TUBD1: variants seen among roughly 807,000 people sequenced by gnomAD.
TUBD1 encodes the protein tubulin delta chain.
A neutral mutation model predicts 51.2 loss-of-function variants in TUBD1; 38 were observed. The observed-to-expected ratio is 0.74, with a 90% CI of 0.57 to 0.97. The LOEUF (loss-of-function observed/expected upper bound fraction) is 0.97. Among genes scored for constraint, TUBD1 ranks in the 50% least tolerant of loss-of-function variants. The probability of loss-of-function intolerance (pLI) is 0.00; values close to 1 mark genes in which losing one functional copy is unlikely to be tolerated. For synonymous variants in TUBD1, 169 were observed against 178.2 expected (o/e 0.95, Z 0.41); for missense variants, 489 against 538.4 (o/e 0.91, Z 0.91).
intron 8 of TUBD1, among the ~76,000 whole-genome samples, chr17:59,862,394 A>G (rs893751151): frequency 5.3e-5 from 8 of 152,094 alleles, no homozygotes; most frequent in Admixed American, 2.0e-4. Context: ...TGACTTAAGT[A>G]ACTGTGGTAG....
In TUBD1 at chr17:59,874,417, G is replaced by A. The variant is rs551562131; in HGVS notation, c.934+122C>T. 45 of 876,552 alleles carry A rather than the reference G, an allele frequency of 5.1e-5. No individual in the cohort carries two copies. In the Admixed American group the frequency reaches 6.3e-4, roughly 12 times the overall value. 54.3% of individuals were successfully genotyped at this position (876,552 alleles called of 1,614,324 possible). A position where few individuals can be genotyped will look rare whatever the true frequency, so the allele number is the denominator to read the frequency against. ...TAAGATGTCCTGGTGAGTTTCTGCC[G>A]GAGTCTCTCTAGCCAGAAAAAGGGA... is the stretch of plus-strand genomic sequence containing the variant. On this transcript the variant is annotated intron_variant, in intron 6 of 8. Transcript: ENST00000325752.
chr17:59,879,267 TCAAAAAAA>T (rs778165399), intron 4 of TUBD1, among the ~76,000 whole-genome samples: 1 of 13,914 alleles, frequency 7.2e-5, no homozygotes. Flanking sequence ...AAACTCTGTC[TCAAAAAAA>T]AAAAAAAAAA....
intron 6 of TUBD1, among the ~76,000 whole-genome samples, chr17:59,871,297 T>A (rs2144483156): frequency 1.3e-5 from 2 of 152,196 alleles, no homozygotes; most frequent in South Asian, 4.2e-4. Context: ...CCTCCCAAGT[T>A]CAAGCAATTC....
In TUBD1 at chr17:59,860,426, T is replaced by C; in HGVS notation, c.1260-2A>G. The C allele has an allele frequency of 6.7e-7, 1 of 1,490,346 alleles. No individual in the cohort carries two copies. Among genetic ancestry groups the C allele is most frequent in the Non-Finnish European group, 9.1e-7 (1 of 1,094,122 alleles). 92.3% of individuals were successfully genotyped at this position (1,490,346 alleles called of 1,614,324 possible). ...TTTGTGTACTGATGAATGTAGGCTC[T>C]GGTAGAAAAAAAAAAAAAACAGAAA... On this transcript the variant is annotated splice_acceptor_variant, in intron 8 of 8. Transcript: ENST00000325752. LOFTEE classifies it high-confidence loss of function.
rs1466110958 is a variant in TUBD1 at position 59,860,165 on chromosome 17, G to A, written c.*157C>T. The A allele has an allele frequency of 7.6e-6, 4 of 526,904 alleles. No individual in the cohort carries two copies. The highest frequency in any genetic ancestry group is 3.6e-5 in the Admixed American group (1 of 28,036). The allele number at this position is 526,904 out of a possible 1,614,324, so 32.6% of individuals were successfully genotyped here. On this transcript the variant is annotated 3_prime_UTR_variant, in exon 9 of 9. Transcript: ENST00000325752. ...CGAGTAGCTGGGACTACAGGCACCCGCCACCGCGCCTGGCTAATTTTTTGT... is the reference window on the plus strand; with the variant it reads ...CGAGTAGCTGGGACTACAGGCACCCACCACCGCGCCTGGCTAATTTTTTGT...
chr17:59,874,960 T>C (rs2040158334), intron 5 of TUBD1, among the ~76,000 whole-genome samples: 1 of 151,964 alleles, frequency 6.6e-6, no homozygotes, highest in African/African-American at 2.4e-5. Context: ...ATTTAGAAGC[T>C]GAATAACTGG....
Position 59,878,298 on chromosome 17 carries a change from A to G in TUBD1, c.574T>C (p.Ser192Pro), listed in dbSNP as rs2040318622. ...GCGTCTGAAGATCGGTACAAGTGAG[A>G]AAGTGTCAAAATGGAGTTGTAGTTT... ...VQNYNSILTLSHLYRSSDALL... is the reference protein window; with the variant it reads ...VQNYNSILTLPHLYRSSDALL... The change falls in exon 5 of 9, where the codon TCT (serine) becomes CCT (proline). Residue 192 changes from serine to proline, a missense_variant. Transcript: ENST00000325752. The G allele has an allele frequency of 6.2e-7, 1 of 1,613,968 alleles. No homozygotes were observed. The highest frequency in any genetic ancestry group is 1.7e-5 in the Admixed American group (1 of 59,950).
At chr17:59,890,424 A>G (rs1373060348) in intron 2 of TUBD1, among the ~76,000 whole-genome samples, 1 of 151,594 alleles carries the variant, frequency 6.6e-6, no homozygotes, top group African/African-American at 2.4e-5. Flanking sequence ...TTGTATTTTT[A>G]GTAGAGATGG....
chr17:59,864,074 T>TTAG (rs2039587566), intron 7 of TUBD1, among the ~76,000 whole-genome samples: 1 of 150,650 alleles, frequency 6.6e-6, no homozygotes, highest in African/African-American at 2.4e-5. Flanking sequence ...AAACCCCATC[T>TTAG]CTACTAAAAA....
chr17:59,861,584 C>T (rs1054522325), intron 8 of TUBD1, among the ~76,000 whole-genome samples: 1 of 152,244 alleles, frequency 6.6e-6, no homozygotes, highest in Admixed American at 6.5e-5. Context: ...ATAATAATGG[C>T]TGCTACCATT....
At chr17:59,876,359 GTTT>G (rs886233329) in intron 5 of TUBD1, among the ~76,000 whole-genome samples, 1 of 133,896 alleles carries the variant, frequency 7.5e-6, no homozygotes. Flanking sequence ...TTTTTTTTTT[GTTT>G]TTTTTTTTTT....
intron 8 of TUBD1, 151 bp downstream of exon 8, chr17:59,863,513 G>C (rs2039557083): frequency 2.1e-6 from 1 of 475,044 alleles, no homozygotes; most frequent in Admixed American, 4.4e-5. Flanking sequence ...GGAGGCTGCA[G>C]CAGGAGAATC....
intron 6 of TUBD1, among the ~76,000 whole-genome samples, chr17:59,870,627 A>C (rs1368937858): frequency 6.6e-6 from 1 of 151,688 alleles, no homozygotes; most frequent in Non-Finnish European, 1.5e-5. Flanking sequence ...CTTTCGCAGG[A>C]AAGTGTAACA....
intron 8 of TUBD1, among the ~76,000 whole-genome samples, chr17:59,863,089 T>G (rs1017177043): frequency 1.3e-5 from 2 of 152,124 alleles, no homozygotes; most frequent in Non-Finnish European, 2.9e-5. Flanking sequence ...TTTAATAATG[T>G]CAAACAATTA....
chr17:59,887,351 A>AC (rs1263087756), intron 2 of TUBD1, among the ~76,000 whole-genome samples: 1 of 151,982 alleles, frequency 6.6e-6, no homozygotes, highest in Non-Finnish European at 1.5e-5. Flanking sequence ...CAGCTTGGGC[A>AC]AGAGTGAGAC....
chr17:59,891,971 A>G (rs1289876436), intron 1 of TUBD1: 2 of 147,776 alleles, frequency 1.4e-5, no homozygotes, highest in African/African-American at 2.5e-5. Flanking sequence ...CTGTCTCCAG[A>G]AAAAAAAAAA....
intron 7 of TUBD1, among the ~76,000 whole-genome samples, chr17:59,866,316 C>A (rs2039698911): frequency 6.6e-6 from 1 of 151,274 alleles, no homozygotes; most frequent in Non-Finnish European, 1.5e-5. Flanking sequence ...CTCACTGCAG[C>A]CTTGACCTCC....
chr17:59,870,903 G>C (rs547395515), intron 6 of TUBD1, among the ~76,000 whole-genome samples: 17 of 152,286 alleles, frequency 1.1e-4, no homozygotes, highest in East Asian at 1.9e-4. Flanking sequence ...CTCCAAAGAT[G>C]CAACAGTAAA....
At chr17:59,880,553 T>C (rs1286674471) in intron 4 of TUBD1, among the ~76,000 whole-genome samples, 3 of 152,072 alleles carry the variant, frequency 2.0e-5, no homozygotes, top group African/African-American at 4.8e-5. Context: ...CTTGCTCTAT[T>C]GCCCAGGCTG....
Sources: gnomAD v4.1 joint callset for allele counts (sites outside exome capture counted in the v4.1 genomes callset) on GRCh38, gnomAD v4.1.1 for gene constraint, MANE v1.5 for transcripts, NCBI Gene and HGNC (gene_info 2026-07-23, HGNC 2026-07-21) for gene names.